Variants in ADAMTS16 observed in about 807,000 individuals in gnomAD.
ADAMTS16 encodes the protein A disintegrin and metalloproteinase with thrombospondin motifs 16.
In ADAMTS16, 94 loss-of-function variants were observed where a neutral mutation model predicts 145.8. The observed-to-expected ratio is 0.64, with a 90% confidence interval of 0.55 to 0.77. The LOEUF (loss-of-function observed/expected upper bound fraction) is 0.77. Ranked by LOEUF, ADAMTS16 falls within the 30% of genes least tolerant of loss-of-function variation. The pLI is 0.00. For synonymous variants in ADAMTS16, 659 were observed against 604.3 expected, an observed-to-expected ratio of 1.09 and a Z score of -1.33; for missense variants, 1,585 against 1,591.5, an observed-to-expected ratio of 1.00 and a Z score of 0.07.
chr5:5,233,386 C>T (rs1265487418), intron 12 of ADAMTS16, among the ~76,000 whole-genome samples: 1 of 152,148 alleles, frequency 6.6e-6, no homozygotes, highest in Non-Finnish European at 1.5e-5. Flanking sequence ...AGGTTTGTTA[C>T]ATAAGCAAAC....
At chr5:5,207,169 T>G (rs912625481) in intron 9 of ADAMTS16, among the ~76,000 whole-genome samples, 4 of 152,244 alleles carry the variant, frequency 2.6e-5, no homozygotes, top group South Asian at 2.1e-4. Context: ...GATTGAGTCT[T>G]CTGATCTATG....
chr5:5,218,401 G>A (rs1405804919), intron 10 of ADAMTS16, among the ~76,000 whole-genome samples: 3 of 152,258 alleles, frequency 2.0e-5, no homozygotes, highest in Non-Finnish European at 2.9e-5. Flanking sequence ...GTGGGAGCAC[G>A]CAGACAGGCA....
chr5:5,215,835 TG>T (rs1411063103), intron 10 of ADAMTS16, among the ~76,000 whole-genome samples: 3 of 73,896 alleles, frequency 4.1e-5, no homozygotes, highest in Non-Finnish European at 5.5e-5. Context: ...TATATATATG[TG>T]GTGTGTATAT....
chr5:5,311,355 A>C (rs1179584994), intron 21 of ADAMTS16, among the ~76,000 whole-genome samples: 1 of 151,830 alleles, frequency 6.6e-6, no homozygotes, highest in Non-Finnish European at 1.5e-5. Context: ...TTTTATCTAA[A>C]TCTAAAGGAA....
chr5:5,217,305 T>C (rs1736464862), intron 10 of ADAMTS16, among the ~76,000 whole-genome samples: 2 of 151,944 alleles, frequency 1.3e-5, no homozygotes, highest in East Asian at 1.9e-4. Flanking sequence ...GGACTTCATG[T>C]CTAAAACACC....
chr5:5,191,893 A>G (rs976828509), intron 8 of ADAMTS16, 103 bp downstream of exon 8: 3 of 808,134 alleles, frequency 3.7e-6, no homozygotes, highest in Non-Finnish European at 6.1e-6. Flanking sequence ...AAGGGAATTC[A>G]CATATATCCA....
chr5:5,232,221 A>G, intron 11 of ADAMTS16, 147 bp from the exon 12 acceptor site: 1 of 790,024 alleles, frequency 1.3e-6, no homozygotes, highest in South Asian at 1.8e-5. Flanking sequence ...TACTGTATTT[A>G]TATTAGGTGC....
intron 17 of ADAMTS16, among the ~76,000 whole-genome samples, chr5:5,250,307 AG>A (rs1314455353): frequency 2.0e-5 from 3 of 152,164 alleles, no homozygotes; most frequent in Non-Finnish European, 2.9e-5. Context: ...GAAATCCTAT[AG>A]GGGAACTGTT....
intron 10 of ADAMTS16, among the ~76,000 whole-genome samples, chr5:5,220,516 C>T (rs1443871863): frequency 2.0e-5 from 3 of 152,108 alleles, no homozygotes; most frequent in Non-Finnish European, 2.9e-5. Context: ...GCCTTAGAAA[C>T]AGCCCTGTGA....
intron 16 of ADAMTS16, among the ~76,000 whole-genome samples, chr5:5,240,602 C>G (rs1737259255): frequency 6.6e-6 from 1 of 152,180 alleles, no homozygotes; most frequent in Non-Finnish European, 1.5e-5. Flanking sequence ...TCAAAAGTTG[C>G]CCCATCCACC....
At chr5:5,158,798 C>G (rs1734667278) in intron 3 of ADAMTS16, among the ~76,000 whole-genome samples, 1 of 152,192 alleles carries the variant, frequency 6.6e-6, no homozygotes, top group Non-Finnish European at 1.5e-5. Flanking sequence ...CAGCTCTTAG[C>G]CTTTTGTATC....
At chr5:5,176,720 T>C (rs960099429) in intron 3 of ADAMTS16, among the ~76,000 whole-genome samples, 1 of 152,220 alleles carries the variant, frequency 6.6e-6, no homozygotes, top group East Asian at 1.9e-4. Context: ...TCATAGCGCA[T>C]TCTTAAATTA....
In ADAMTS16 at chr5:5,261,401, G is replaced by A. The variant is rs141751514; in HGVS notation, c.2663-1256G>A. 1.9e-3 allele frequency among the ~76,000 whole-genome samples: 286 copies of A among 152,060 alleles called. 2 individuals are homozygous for A. The highest frequency in any genetic ancestry group is 6.3e-3 in the African/African-American group (262 of 41,470). On this transcript the variant is annotated intron_variant, in intron 17 of 22. Coordinates refer to ENST00000274181, the MANE Select transcript of ADAMTS16 (RefSeq NM_139056.4). ...GATTCACATGCCTAAGCCTGTCAACGTGCTGGGATTACAAGTGCGAGCCAC... is the reference window on the plus strand; with the variant it reads ...GATTCACATGCCTAAGCCTGTCAACATGCTGGGATTACAAGTGCGAGCCAC...
chr5:5,246,140 A>C (rs1470922062), intron 17 of ADAMTS16, among the ~76,000 whole-genome samples: 1 of 152,184 alleles, frequency 6.6e-6, no homozygotes, highest in Non-Finnish European at 1.5e-5. Context: ...TCATCTTTTA[A>C]AGTCAGTATC....
chr5:5,249,151 T>C (rs886896532), intron 17 of ADAMTS16, among the ~76,000 whole-genome samples: 1 of 152,146 alleles, frequency 6.6e-6, no homozygotes, highest in Non-Finnish European at 1.5e-5. Flanking sequence ...ATATAAGAAC[T>C]TAATACTTTA....
chr5:5,283,722 A>T (rs970767269), intron 18 of ADAMTS16, among the ~76,000 whole-genome samples: 4 of 152,166 alleles, frequency 2.6e-5, no homozygotes, highest in African/African-American at 9.7e-5. Context: ...GAACACTTGA[A>T]CCCATGCACA....
intron 21 of ADAMTS16, among the ~76,000 whole-genome samples, chr5:5,312,724 C>G (rs1048323348): frequency 3.3e-5 from 5 of 152,194 alleles, no homozygotes; most frequent in Non-Finnish European, 7.3e-5. Context: ...TCCCAAAGTG[C>G]TGGGATTTCA....
chr5:5,247,520 C>T (rs111970206), intron 17 of ADAMTS16, among the ~76,000 whole-genome samples: 5,157 of 152,188 alleles, frequency 0.034, 105 homozygotes, highest in Middle Eastern at 0.054. Context: ...CAAGGAAGCC[C>T]ACATCTTCCC....
At chr5:5,261,131 TTATCCCCTACTGCATCAAC>T (rs1737999982) in intron 17 of ADAMTS16, among the ~76,000 whole-genome samples, 1 of 152,186 alleles carries the variant, frequency 6.6e-6, no homozygotes, top group African/African-American at 2.4e-5. Flanking sequence ...TCTATTTATT[TTATCCCCTACTGCATCAAC>T]TCGTTTGAGA....
Sources: gnomAD v4.1 joint callset for allele counts (sites outside exome capture counted in the v4.1 genomes callset) on GRCh38, gnomAD v4.1.1 for gene constraint, MANE v1.5 for transcripts, NCBI Gene and HGNC (gene_info 2026-07-23, HGNC 2026-07-21) for gene names.